Variants in LPA observed in about 807,000 individuals in gnomAD.
The protein encoded by LPA is lipoprotein(a).
In LPA, 199 loss-of-function variants were observed where a neutral mutation model predicts 197.9. The observed-to-expected ratio is 1.01, with a 90% CI of 0.90 to 1.13. The LOEUF (loss-of-function observed/expected upper bound fraction) is 1.13, where lower values mean the gene tolerates loss of function less well. Among genes scored for constraint, LPA ranks in the 50% most tolerant of loss-of-function variants. The pLI, the probability that LPA is intolerant of heterozygous loss-of-function variation, is 0.00. For missense variants in LPA, 1,853 were observed against 1,785.8 expected, an observed-to-expected ratio of 1.04 and a Z score of -0.68; for synonymous variants, 715 against 639.5, an observed-to-expected ratio of 1.12 and a Z score of -1.78.
At chr6:160,606,830 T>C (rs1779364893) in intron 16 of LPA, among the ~76,000 whole-genome samples, 172 bp from the exon 17 acceptor site, 1 of 152,164 alleles carries the variant, frequency 6.6e-6, no homozygotes, top group South Asian at 2.1e-4. Context: ...TAATCCTGTC[T>C]GCACATTTCT....
At chr6:160,602,904 T>C (rs1212834697) in intron 18 of LPA, among the ~76,000 whole-genome samples, 1 of 152,174 alleles carries the variant, frequency 6.6e-6, no homozygotes, top group Admixed American at 6.5e-5. Context: ...GACACAGCTC[T>C]TTTTCCTCCA....
intron 28 of LPA, among the ~76,000 whole-genome samples, chr6:160,567,643 C>G (rs9364561): frequency 6.6e-6 from 1 of 151,852 alleles, no homozygotes; most frequent in Non-Finnish European, 1.5e-5. Flanking sequence ...ATAACTAAGA[C>G]CAGAGCAGAA....
At chr6:160,553,954 T>TGTGTGTGTGTGTGCGCGCGCGC (rs771903485) in intron 30 of LPA, among the ~76,000 whole-genome samples, 3 of 130,748 alleles carry the variant, frequency 2.3e-5, no homozygotes, top group African/African-American at 9.1e-5. Context: ...TGTGTGTGTG[T>TGTGTGTGTGTGTGCGCGCGCGC]GCGCGCGCGC....
chr6:160,568,983 G>A (rs1009508644), intron 28 of LPA, among the ~76,000 whole-genome samples: 4 of 152,106 alleles, frequency 2.6e-5, no homozygotes, highest in Non-Finnish European at 4.4e-5. Flanking sequence ...AAATAAAAGA[G>A]GACACAAACA....
At chr6:160,609,337 T>C (rs1779430142) in intron 16 of LPA, among the ~76,000 whole-genome samples, 1 of 152,142 alleles carries the variant, frequency 6.6e-6, no homozygotes, top group South Asian at 2.1e-4. Flanking sequence ...TTCCTCATTA[T>C]CATTTTAATA....
intron 1 of LPA, among the ~76,000 whole-genome samples, chr6:160,660,921 A>G (rs1188496962): frequency 6.6e-6 from 1 of 152,224 alleles, no homozygotes; most frequent in East Asian, 1.9e-4. Context: ...GTAAAAAAGC[A>G]GAACCTGGGA....
intron 20 of LPA, among the ~76,000 whole-genome samples, chr6:160,598,961 T>C (rs1365218982): frequency 6.6e-6 from 1 of 152,210 alleles, no homozygotes; most frequent in East Asian, 1.9e-4. Context: ...TGGTCATTTG[T>C]CATCCCGGCT....
At chr6:160,664,122 G>A in intron 1 of LPA, 44 bp downstream of exon 1, 16 of 1,517,424 alleles carry the variant, frequency 1.1e-5, no homozygotes, top group Non-Finnish European at 1.5e-5. Flanking sequence ...ACTACATTGT[G>A]GGAGAAAAAA....
intron 18 of LPA, among the ~76,000 whole-genome samples, chr6:160,602,509 T>C (rs1403029507): frequency 6.6e-6 from 1 of 152,244 alleles, no homozygotes; most frequent in Non-Finnish European, 1.5e-5. Context: ...TCAACTCTCA[T>C]TTAAAAAGAT....
At chr6:160,611,475 T>A (rs908362305) in intron 16 of LPA, 87 bp downstream of exon 16, 7 of 1,569,136 alleles carry the variant, frequency 4.5e-6, no homozygotes, top group Non-Finnish European at 5.2e-6. Flanking sequence ...ACAAGTTGAG[T>A]TCGGAGAACT....
At chr6:160,563,741 G>T in intron 28 of LPA, among the ~76,000 whole-genome samples, 1 of 152,158 alleles carries the variant, frequency 6.6e-6, no homozygotes, top group Non-Finnish European at 1.5e-5. Flanking sequence ...ATTAATCTGG[G>T]TGCTCCTGTA....
chr6:160,648,950 T>G (rs1779955638), intron 2 of LPA, among the ~76,000 whole-genome samples: 1 of 152,188 alleles, frequency 6.6e-6, no homozygotes, highest in African/African-American at 2.4e-5. Context: ...AAAAGGTTTC[T>G]ATGTGTAGTC....
intron 21 of LPA, among the ~76,000 whole-genome samples, 193 bp downstream of exon 21, chr6:160,595,161 T>C (rs1400571739): frequency 6.6e-6 from 1 of 152,100 alleles, no homozygotes; most frequent in East Asian, 1.9e-4. Flanking sequence ...ATACCACCCT[T>C]TCACAGGGTA....
chr6:160,584,415 T>A (rs1446404729), intron 26 of LPA, among the ~76,000 whole-genome samples: 2 of 149,174 alleles, frequency 1.3e-5, no homozygotes, highest in Non-Finnish European at 3.0e-5. Flanking sequence ...CACAGCAAAC[T>A]CTGAATCCCA....
At chr6:160,575,944 A>G (rs1338131051) in intron 28 of LPA, among the ~76,000 whole-genome samples, 1 of 151,568 alleles carries the variant, frequency 6.6e-6, no homozygotes, top group African/African-American at 2.4e-5. Context: ...GTAATCCCAA[A>G]CTCTGGTGTC....
At chr6:160,604,977 A>T (rs989493467) in intron 18 of LPA, 69 bp downstream of exon 18, 28 of 1,602,106 alleles carry the variant, frequency 1.7e-5, no homozygotes, top group Non-Finnish European at 2.3e-5. Flanking sequence ...ACTCAGCTTG[A>T]AGCATGACTC....
chr6:160,601,773 T>A (rs538572926), intron 18 of LPA, among the ~76,000 whole-genome samples: 7 of 152,348 alleles, frequency 4.6e-5, no homozygotes, highest in African/African-American at 1.7e-4. Context: ...TCAGGCAGGA[T>A]GCAGTATCTC....
At chr6:160,647,637 TG>T (rs1444816897) in intron 2 of LPA, among the ~76,000 whole-genome samples, 1 of 152,222 alleles carries the variant, frequency 6.6e-6, no homozygotes, top group East Asian at 1.9e-4. Context: ...ACTTTGTGAT[TG>T]CTCTAGGATT....
intron 1 of LPA, among the ~76,000 whole-genome samples, chr6:160,663,782 C>T (rs1458663287): frequency 1.3e-5 from 2 of 152,172 alleles, no homozygotes; most frequent in Non-Finnish European, 2.9e-5. Flanking sequence ...TTTCAACTTG[C>T]TAGTGAGGGG....
Sources: allele counts gnomAD v4.1 joint callset (sites outside exome capture counted in the v4.1 genomes callset), GRCh38; gene constraint gnomAD v4.1.1; transcripts MANE v1.5; gene names NCBI Gene and HGNC (gene_info 2026-07-23, HGNC 2026-07-21).